FHL1: variants seen among roughly 807,000 people sequenced by gnomAD.
FHL1 encodes the protein four and a half LIM domains 1, also known as four and a half LIM domains protein 1.
In FHL1, 1 loss-of-function variant was observed where a neutral mutation model predicts 20.3. The ratio of observed to expected loss-of-function variants is 0.05; its 90% CI spans 0.02 to 0.23. The LOEUF is 0.23. Ranked by LOEUF, FHL1 falls within the 10% of genes least tolerant of loss-of-function variation. The pLI is 1.00. For missense variants in FHL1, 177 were observed against 234.0 expected (o/e 0.76, Z 1.59); for synonymous variants, 82 against 88.9 (o/e 0.92, Z 0.44).
Position 136,149,819 on chromosome X carries a change from T to C in FHL1, c.-101+2191T>C, listed in dbSNP as rs1018586686. On this transcript the variant is annotated intron_variant, in intron 1 of 7. Transcript: ENST00000394155. ...CTGGAAGTGTTAAACTGGAAATGTT[T>C]AAGGGGAAATAGATTTTTAGTCACA... Among the ~76,000 whole-genome samples the C allele has an allele frequency of 7.2e-5, 8 of 111,836 alleles. No individual in the cohort carries two copies. The Admixed American group carries it at 7.6e-4, about 11-fold the overall frequency.
At chrX:136,153,145 T>C (rs1003877138) in intron 1 of FHL1, among the ~76,000 whole-genome samples, 1 of 111,764 alleles carries the variant, frequency 8.9e-6, no homozygotes, top group Admixed American at 9.6e-5. Flanking sequence ...GTGTTTTTCA[T>C]ATGGGGTTGT....
intron 2 of FHL1, among the ~76,000 whole-genome samples, chrX:136,181,375 G>A (rs1169955142): frequency 8.9e-6 from 1 of 111,912 alleles, no homozygotes; most frequent in Non-Finnish European, 1.9e-5. Context: ...TTAGGATGCC[G>A]GAGGCTGGCT....
At chrX:136,172,696 G>A (rs778441836) in intron 2 of FHL1, among the ~76,000 whole-genome samples, 1 of 113,037 alleles carries the variant, frequency 8.8e-6, no homozygotes, top group South Asian at 3.6e-4. Context: ...TTAGTAAAAT[G>A]GGCTTTGCTG....
chrX:136,201,304 T>C (rs1168200513), intron 1 of FHL1, among the ~76,000 whole-genome samples: 1 of 112,286 alleles, frequency 8.9e-6, no homozygotes, highest in Non-Finnish European at 1.9e-5. Flanking sequence ...ATTCGGGTGT[T>C]ATATTACTTC....
At chrX:136,166,787 G>C (rs995204394), upstream of FHL1, among the ~76,000 whole-genome samples, 2 of 112,665 alleles carry the variant, frequency 1.8e-5, no homozygotes, top group Admixed American at 9.4e-5. Context: ...GTGGCGGCAT[G>C]TGAAATCATT....
At chrX:136,209,400 T>A in intron 5 of FHL1, 5 of 1,210,992 alleles carry the variant, frequency 4.1e-6, no homozygotes, top group Non-Finnish European at 5.6e-6. Context: ...GGGTGGTGGT[T>A]CTTTATAGAA....
Position 136,176,514 on chromosome X carries a change from A to G in FHL1, c.-27+6534A>G, listed in dbSNP as rs144942415. Among the ~76,000 whole-genome samples the G allele has an allele frequency of 4.3e-4, 48 of 111,507 alleles. No homozygotes were observed. The East Asian group carries it at 8.8e-3, about 20-fold the overall frequency. On this transcript the variant is annotated intron_variant, in intron 2 of 6. Coordinates refer to the FHL1 transcript ENST00000394153. ...ATTGCCTCTGGAGCTTCATGTTGCA[A>G]TAGTTTTTCAAGGGGAACGGAGAGC...
chrX:136,207,456 G>A (rs1027802130), intron 3 of FHL1: 8 of 430,527 alleles, frequency 1.9e-5, no homozygotes, highest in East Asian at 3.8e-5. Context: ...TCATTTGGGC[G>A]TAGTAAGTGA....
intron 1 of FHL1, among the ~76,000 whole-genome samples, chrX:136,159,498 C>T (rs549126969): frequency 1.1e-4 from 12 of 112,044 alleles, no homozygotes; most frequent in South Asian, 3.8e-4. Context: ...ACCGAGATCA[C>T]GCCACTGTAC....
At chrX:136,208,276 C>T (rs183097546) in intron 4 of FHL1, among the ~76,000 whole-genome samples, 179 bp from the exon 5 acceptor site, 10 of 112,120 alleles carry the variant, frequency 8.9e-5, no homozygotes, top group Admixed American at 7.5e-4. Context: ...TCACCTTCTC[C>T]GAGCCTTGGT....
At position 136,153,292 on chromosome X, in the gene FHL1, G is replaced by GA. The variant is rs919496245; in HGVS notation, c.-101+5664_-101+5665insA. On this transcript the variant is annotated intron_variant, in intron 1 of 7. Transcript: ENST00000394155. ...CATTTTTTTGCGGGAGGTGGGGGGG[G>GA]GCAGGAAAAGGACCACATGTTTAAT... 1.1e-4 allele frequency among the ~76,000 whole-genome samples: 11 copies of GA among 99,314 alleles called. No individual in the cohort carries two copies. The South Asian group carries it at 2.8e-3, about 25-fold the overall frequency. The allele number at this position is 99,314 out of a possible 115,157, so 86.2% of individuals were successfully genotyped here.
chrX:136,150,480 T>A (rs1866737679), intron 1 of FHL1, among the ~76,000 whole-genome samples: 1 of 111,930 alleles, frequency 8.9e-6, no homozygotes, highest in East Asian at 2.8e-4. Context: ...TTTCCCCAGC[T>A]TTTGCCTACT....
chrX:136,153,936 A>G (rs2072343674), intron 1 of FHL1, among the ~76,000 whole-genome samples: 1 of 111,830 alleles, frequency 8.9e-6, no homozygotes, highest in African/African-American at 3.3e-5. Context: ...GAACTATGCT[A>G]TAGCCTCTTC....
At chrX:136,155,527 G>A (rs755644999) in intron 1 of FHL1, among the ~76,000 whole-genome samples, 1 of 111,876 alleles carries the variant, frequency 8.9e-6, no homozygotes, top group Non-Finnish European at 1.9e-5. Context: ...ACCTATTGCC[G>A]AGGGCTTACT....
chrX:136,175,675 CACTT>C (rs1302978090), intron 2 of FHL1, among the ~76,000 whole-genome samples: 1 of 112,272 alleles, frequency 8.9e-6, no homozygotes, highest in Non-Finnish European at 1.9e-5. Context: ...ATAATTTTCA[CACTT>C]ACATTAGCAA....
At chrX:136,163,427 C>T (rs182318224) in intron 1 of FHL1, among the ~76,000 whole-genome samples, 41 of 111,748 alleles carry the variant, frequency 3.7e-4, no homozygotes, top group Non-Finnish European at 6.0e-4. Context: ...GTGATACATC[C>T]GAGGTGGAAC....
chrX:136,206,643 G>T, intron 2 of FHL1, 55 bp downstream of exon 2: 1 of 1,185,165 alleles, frequency 8.4e-7, no homozygotes, highest in Non-Finnish European at 1.1e-6. Context: ...AGTGTCCTTT[G>T]CCCACAACCA....
At chrX:136,170,858 C>T (rs2072846611) in intron 2 of FHL1, among the ~76,000 whole-genome samples, 1 of 111,435 alleles carries the variant, frequency 9.0e-6, no homozygotes, top group Non-Finnish European at 1.9e-5. Flanking sequence ...ACCCTGCCCA[C>T]CCCTGCATGC....
chrX:136,153,670 A>G (rs773983572), intron 1 of FHL1, among the ~76,000 whole-genome samples: 4 of 112,114 alleles, frequency 3.6e-5, no homozygotes, highest in Non-Finnish European at 7.5e-5. Flanking sequence ...GAAAATGCAG[A>G]AAATATAGAA....
Sources: gnomAD v4.1 joint callset for allele counts (sites outside exome capture counted in the v4.1 genomes callset) on GRCh38, gnomAD v4.1.1 for gene constraint, MANE v1.5 for transcripts, NCBI Gene and HGNC (gene_info 2026-07-23, HGNC 2026-07-21) for gene names.